The following NOVA1 variants were observed in gnomAD, a reference collection of about 807,000 sequenced individuals.
NOVA1 encodes the protein NOVA alternative splicing regulator 1.
In NOVA1, 7 loss-of-function variants were observed where a neutral mutation model predicts 38.0. The ratio of observed to expected loss-of-function variants is 0.18; its 90% CI spans 0.10 to 0.35. The LOEUF (loss-of-function observed/expected upper bound fraction) is 0.35. Ranked by LOEUF, NOVA1 falls within the 10% of genes least tolerant of loss-of-function variation. The pLI is 1.00. For missense variants in NOVA1, 460 were observed against 616.0 expected (o/e 0.75, Z 2.68); for synonymous variants, 270 against 232.5 (o/e 1.16, Z -1.47).
chr14:26,587,287 T>A (rs2138794505), intron 2 of NOVA1, among the ~76,000 whole-genome samples: 1 of 133,642 alleles, frequency 7.5e-6, no homozygotes, highest in African/African-American at 2.5e-5. Context: ...TCCTAAATCT[T>A]TAACAGGGAT....
intron 2 of NOVA1, among the ~76,000 whole-genome samples, chr14:26,561,816 C>CA (rs555583793): frequency 5.3e-4 from 80 of 151,676 alleles, no homozygotes; most frequent in African/African-American, 1.8e-3. Context: ...AATTTTTAAA[C>CA]AAAAAAAATT....
At chr14:26,479,834 C>T (rs1885303966) in intron 3 of NOVA1, 143 bp downstream of exon 3, 1 of 798,254 alleles carries the variant, frequency 1.3e-6, no homozygotes, top group Non-Finnish European at 1.9e-6. Flanking sequence ...CCTTGATAGT[C>T]TTTAAATAAC....
In NOVA1 at chr14:26,448,919, C is replaced by A. The variant is rs1427959320; in HGVS notation, c.564G>T (p.Gly188=). The A allele has an allele frequency of 1.2e-6, 2 of 1,613,914 alleles. No homozygotes were observed. Among genetic ancestry groups the A allele is most frequent in the South Asian group, 1.1e-5 (1 of 91,076 alleles). Reference sequence around the variant, plus strand: ...CAGCCTTCACAGTAGCACCTCCCTTCCCTATTATCAGACCTGCTGTGCTGT... The same window carrying A: ...CAGCCTTCACAGTAGCACCTCCCTTACCTATTATCAGACCTGCTGTGCTGT... ...VPNSTAGLII[G]KGGATVKAVM... The change falls in exon 5 of 5, where the codon GGG becomes GGT. Residue 188 remains glycine, a synonymous_variant. Transcript: ENST00000539517. This position sits in a 1 kb window ranked among gnomAD's most constrained non-coding sequence, Gnocchi z 5.3.
chr14:26,481,652 G>T (rs567425502), intron 2 of NOVA1, among the ~76,000 whole-genome samples: 5 of 152,026 alleles, frequency 3.3e-5, no homozygotes. Flanking sequence ...TGTAAGGGTG[G>T]ATAAAGCCTG....
Position 26,455,853 on chromosome 14 carries a change from C to A in NOVA1, c.520-6890G>T, listed in dbSNP as rs1399538605. Among the ~76,000 whole-genome samples, 3 of 151,866 alleles carry A rather than the reference C, an allele frequency of 2.0e-5. No homozygotes were observed. The East Asian group carries it at 5.8e-4, about 29-fold the overall frequency. ...ATAACTATGAAAAAACTATGAAGGT[C>A]ATATAATAATAAACTATTGCAGGAA... On this transcript the variant is annotated intron_variant, in intron 4 of 4. Coordinates refer to ENST00000539517, the MANE Select transcript of NOVA1 (RefSeq NM_002515.3).
chr14:26,493,739 C>CTT (rs33923618), intron 2 of NOVA1, among the ~76,000 whole-genome samples: 140,749 of 152,098 alleles, frequency 0.93, 65,916 homozygotes, highest in East Asian at 1. Flanking sequence ...ATCTCTGAGT[C>CTT]TGGTTTCCTG....
Position 26,527,181 on chromosome 14 carries a change from G to A in NOVA1, c.281-47038C>T, listed in dbSNP as rs111461975. Reference sequence around the variant, plus strand: ...TCCCTGGAAAACACCCCCAAAGTCTGTTATATTTTCAATGACTGATACCAG... The same window carrying A: ...TCCCTGGAAAACACCCCCAAAGTCTATTATATTTTCAATGACTGATACCAG... On this transcript the variant is annotated intron_variant, in intron 2 of 4. Transcript: ENST00000539517. Among the ~76,000 whole-genome samples, 207 of 152,310 alleles carry A rather than the reference G, an allele frequency of 1.4e-3. 1 individual carries two copies. Among genetic ancestry groups the A allele is most frequent in the African/African-American group, 4.5e-3 (188 of 41,580 alleles).
intron 2 of NOVA1, among the ~76,000 whole-genome samples, chr14:26,573,422 A>T (rs2138729911): frequency 6.6e-6 from 1 of 152,266 alleles, no homozygotes; most frequent in South Asian, 2.1e-4. Context: ...GTATTACCAG[A>T]ATTAAAGAAA....
intron 2 of NOVA1, among the ~76,000 whole-genome samples, chr14:26,527,049 A>C (rs1889352085): frequency 6.6e-6 from 1 of 152,198 alleles, no homozygotes; most frequent in South Asian, 2.1e-4. Context: ...AAGTCCAATG[A>C]GGTGCTCTGG....
At chr14:26,499,540 A>C (rs554380331) in intron 2 of NOVA1, among the ~76,000 whole-genome samples, 1 of 152,232 alleles carries the variant, frequency 6.6e-6, no homozygotes, top group Non-Finnish European at 1.5e-5. Context: ...GTGATATAGA[A>C]ACTCTATGGG....
intron 4 of NOVA1, among the ~76,000 whole-genome samples, chr14:26,466,313 T>TA (rs1487710318): frequency 6.6e-6 from 1 of 152,170 alleles, no homozygotes; most frequent in Non-Finnish European, 1.5e-5. Flanking sequence ...CGGTAAACTA[T>TA]TTCAGGTGGC....
At chr14:26,595,717 A>G in intron 1 of NOVA1, 164 bp from the exon 2 acceptor site, 1 of 558,724 alleles carries the variant, frequency 1.8e-6, no homozygotes, top group Non-Finnish European at 3.1e-6. Flanking sequence ...AATTACATTG[A>G]AAAACAAACA....
At chr14:26,511,748 C>T (rs1888111027) in intron 2 of NOVA1, among the ~76,000 whole-genome samples, 1 of 147,550 alleles carries the variant, frequency 6.8e-6, no homozygotes, top group Non-Finnish European at 1.5e-5. Flanking sequence ...GAGACTGTGT[C>T]TCAAAAGAAA....
intron 3 of NOVA1, among the ~76,000 whole-genome samples, chr14:26,473,597 A>C (rs1310305400): frequency 1.3e-5 from 2 of 152,006 alleles, no homozygotes; most frequent in East Asian, 3.8e-4. Flanking sequence ...ATTTGCGTAC[A>C]ATAAAGCCAT....
At chr14:26,577,231 G>GGAATATGAGAATA (rs1411045978) in intron 2 of NOVA1, among the ~76,000 whole-genome samples, 2 of 151,908 alleles carry the variant, frequency 1.3e-5, no homozygotes, top group Non-Finnish European at 2.9e-5. Context: ...ACATATTCAT[G>GGAATATGAGAATA]CTTATTCTTT....
chr14:26,527,871 G>A (rs550323710), intron 2 of NOVA1, among the ~76,000 whole-genome samples: 1 of 152,302 alleles, frequency 6.6e-6, no homozygotes, highest in African/African-American at 2.4e-5. Context: ...ACATTCACTG[G>A]ACCTTTTATG....
intron 2 of NOVA1, among the ~76,000 whole-genome samples, chr14:26,516,880 C>T (rs1257327464): frequency 6.6e-6 from 1 of 150,506 alleles, no homozygotes; most frequent in Admixed American, 6.6e-5. Flanking sequence ...ATGTTCTGGC[C>T]ACTGCCTAGC....
At chr14:26,581,790 C>A (rs947639729) in intron 2 of NOVA1, among the ~76,000 whole-genome samples, 1 of 151,808 alleles carries the variant, frequency 6.6e-6, no homozygotes, top group African/African-American at 2.4e-5. Context: ...AATTTATACA[C>A]AATTTGATGC....
intron 4 of NOVA1, among the ~76,000 whole-genome samples, chr14:26,457,503 T>C (rs1594327639): frequency 6.6e-6 from 1 of 152,264 alleles, no homozygotes; most frequent in East Asian, 1.9e-4. Context: ...CCGTTGTTAA[T>C]GTCCTATCAC....
Sources: gnomAD v4.1 joint callset for allele counts (sites outside exome capture counted in the v4.1 genomes callset) on GRCh38, gnomAD v4.1.1 for gene constraint, Gnocchi (gnomAD v3.1) non-coding constraint, MANE v1.5 for transcripts, NCBI Gene and HGNC (gene_info 2026-07-23, HGNC 2026-07-21) for gene names.